Variants in KIFAP3 observed in about 807,000 individuals in gnomAD.
KIFAP3 encodes the protein kinesin associated protein 3.
A neutral mutation model predicts 106.5 loss-of-function variants in KIFAP3; 68 were observed. The ratio of observed to expected loss-of-function variants is 0.64; its 90% CI spans 0.53 to 0.78. The LOEUF (loss-of-function observed/expected upper bound fraction) is 0.78. KIFAP3 is among the 30% of genes least tolerant of loss of function. KIFAP3 has a pLI of 0.00. For synonymous variants in KIFAP3, 320 were observed against 311.5 expected, an observed-to-expected ratio of 1.03 and a Z score of -0.29; for missense variants, 780 against 941.8, an observed-to-expected ratio of 0.83 and a Z score of 2.25.
intron 3 of KIFAP3, chr1:170,041,763 C>G: frequency 1.3e-6 from 2 of 1,533,536 alleles, no homozygotes; most frequent in African/African-American, 1.4e-5. Flanking sequence ...AATCGACATC[C>G]CTTTTGCCTT....
intron 19 of KIFAP3, among the ~76,000 whole-genome samples, chr1:169,939,318 T>G (rs549965740): frequency 6.6e-6 from 1 of 152,192 alleles, no homozygotes; most frequent in South Asian, 2.1e-4. Context: ...GAGAGGGTAA[T>G]GGTGAAGAAA....
intron 5 of KIFAP3, among the ~76,000 whole-genome samples, chr1:170,036,388 C>G (rs953689659): frequency 2.6e-5 from 4 of 152,088 alleles, no homozygotes; most frequent in Middle Eastern, 3.4e-3. Flanking sequence ...TCTGGCTATT[C>G]AGACTATGAA....
chr1:170,064,029 C>T (rs1336870024), intron 1 of KIFAP3, among the ~76,000 whole-genome samples: 1 of 152,038 alleles, frequency 6.6e-6, no homozygotes, highest in Admixed American at 6.6e-5. Context: ...TTGTAAATAA[C>T]TTTTTTGCTA....
chr1:169,933,166 G>C (rs1011356110), intron 19 of KIFAP3, among the ~76,000 whole-genome samples: 4 of 151,974 alleles, frequency 2.6e-5, no homozygotes, highest in African/African-American at 9.6e-5. Flanking sequence ...CACACATAAA[G>C]GCATTTCCTT....
chr1:169,921,987 G>C (rs1662852999), intron 19 of KIFAP3, among the ~76,000 whole-genome samples: 1 of 152,088 alleles, frequency 6.6e-6, no homozygotes, highest in South Asian at 2.1e-4. Flanking sequence ...TGTGTTAAAA[G>C]TATGGGAAAC....
intron 2 of KIFAP3, among the ~76,000 whole-genome samples, chr1:170,048,875 T>G (rs1297581812): frequency 6.6e-6 from 1 of 152,032 alleles, no homozygotes. Context: ...ACCTGGGCCC[T>G]GGATTTCAAG....
chr1:170,084,308 A>G (rs1264107822), intron 1 of KIFAP3, among the ~76,000 whole-genome samples: 1 of 152,142 alleles, frequency 6.6e-6, no homozygotes, highest in African/African-American at 2.4e-5. Context: ...ATTTGTTTAT[A>G]CCTCTATCCT....
intron 4 of KIFAP3, among the ~76,000 whole-genome samples, chr1:170,038,682 AATAGAAAATATTTG>A (rs1485419030): frequency 6.6e-6 from 1 of 152,252 alleles, no homozygotes; most frequent in Non-Finnish European, 1.5e-5. Flanking sequence ...TCTTAAATGT[AATAGAAAATATTTG>A]TATCTACTAC....
intron 3 of KIFAP3, among the ~76,000 whole-genome samples, chr1:170,042,956 G>C (rs187700157): frequency 1.3e-5 from 2 of 152,296 alleles, no homozygotes; most frequent in East Asian, 3.9e-4. Flanking sequence ...CCAAGGAATT[G>C]AATATTACGC....
At chr1:169,928,013 AAATGTGAAGT>A in intron 19 of KIFAP3, among the ~76,000 whole-genome samples, 1 of 152,212 alleles carries the variant, frequency 6.6e-6, no homozygotes, top group Non-Finnish European at 1.5e-5. Flanking sequence ...ACAGCTGTCC[AAATGTGAAGT>A]AATGAGAACC....
chr1:170,039,386 G>T, intron 3 of KIFAP3, 98 bp from the exon 4 acceptor site: 1 of 606,516 alleles, frequency 1.6e-6, no homozygotes, highest in Non-Finnish European at 2.9e-6. Flanking sequence ...GGTAAACTGG[G>T]GATATTAAAA....
intron 1 of KIFAP3, among the ~76,000 whole-genome samples, chr1:170,080,633 A>G (rs574641416): frequency 7.9e-5 from 12 of 152,272 alleles, no homozygotes; most frequent in Admixed American, 3.3e-4. Context: ...TTTTCAGATA[A>G]TTTCTTAAAA....
intron 19 of KIFAP3, among the ~76,000 whole-genome samples, chr1:169,950,247 C>CA (rs1045333754): frequency 5.3e-5 from 8 of 151,982 alleles, no homozygotes; most frequent in Non-Finnish European, 1.2e-4. Context: ...ATTAAGAAAA[C>CA]AGAGAATGAA....
At chr1:170,080,135 T>C (rs746519855) in intron 1 of KIFAP3, among the ~76,000 whole-genome samples, 1 of 151,908 alleles carries the variant, frequency 6.6e-6, no homozygotes, top group South Asian at 2.1e-4. Flanking sequence ...CAATGAAAAA[T>C]TGAAAAATAA....
chr1:170,069,727 T>C (rs1483246057), intron 1 of KIFAP3, among the ~76,000 whole-genome samples: 1 of 152,034 alleles, frequency 6.6e-6, no homozygotes, highest in East Asian at 1.9e-4. Flanking sequence ...GGTGAAAGAA[T>C]GAAAGCTTTC....
At chr1:169,982,970 T>C in intron 13 of KIFAP3, 103 bp from the exon 14 acceptor site, 1 of 700,568 alleles carries the variant, frequency 1.4e-6, no homozygotes, top group Non-Finnish European at 2.1e-6. Flanking sequence ...AAAGTAAATA[T>C]CAAATGTGAT....
chr1:170,084,906 C>A (rs1452280534), intron 1 of KIFAP3: 1 of 152,138 alleles, frequency 6.6e-6, no homozygotes, highest in South Asian at 2.1e-4. Context: ...ATATTCGTTT[C>A]TCTATATTTT....
Position 170,035,410 on chromosome 1 carries a change from A to ATAGAGAT in KIFAP3, c.617+37_617+43dup, listed in dbSNP as rs756452625. 2.9e-5 allele frequency: 35 copies of ATAGAGAT among 1,209,116 alleles called. No homozygotes were observed. The Admixed American group carries it at 7.4e-4, about 26-fold the overall frequency. The allele number at this position is 1,209,116 out of a possible 1,614,324, so 74.9% of individuals were successfully genotyped here. A position where few individuals can be genotyped will look rare whatever the true frequency, so the allele number is the denominator to read the frequency against. On this transcript the variant is annotated intron_variant, in intron 6 of 19. Transcript: ENST00000361580. ...GAATCAATGACACAGACAAAGAGCA[A>ATAGAGAT]TAGAGATACAGTAGCCTTTTTATTT...
intron 8 of KIFAP3, among the ~76,000 whole-genome samples, chr1:170,030,028 A>G (rs1417560615): frequency 6.6e-6 from 1 of 151,976 alleles, no homozygotes; most frequent in Non-Finnish European, 1.5e-5. Context: ...AACTTCTAGA[A>G]GAAAACATAT....
Sources: gnomAD v4.1 joint callset for allele counts (sites outside exome capture counted in the v4.1 genomes callset) on GRCh38, gnomAD v4.1.1 for gene constraint, MANE v1.5 for transcripts, NCBI Gene and HGNC (gene_info 2026-07-23, HGNC 2026-07-21) for gene names.